The following TRHDE variants were observed in gnomAD, a reference collection of about 807,000 sequenced individuals.
The protein encoded by TRHDE is thyrotropin-releasing hormone-degrading ectoenzyme.
A neutral mutation model predicts 125.7 loss-of-function variants in TRHDE; 72 were observed. The observed-to-expected ratio is 0.57, with a 90% CI of 0.47 to 0.70. The LOEUF is 0.70. TRHDE is among the 30% of genes least tolerant of loss of function. TRHDE has a pLI of 0.00. For missense variants in TRHDE, 1,110 were observed against 1,327.1 expected, an observed-to-expected ratio of 0.84 and a Z score of 2.54; for synonymous variants, 509 against 509.1, an observed-to-expected ratio of 1.00 and a Z score of 0.00.
chr12:72,572,925 T>A (rs904897832), intron 10 of TRHDE, among the ~76,000 whole-genome samples: 15 of 152,140 alleles, frequency 9.9e-5, no homozygotes, highest in African/African-American at 3.4e-4. Context: ...CAGGAATGCA[T>A]GACCATTTCA....
intron 2 of TRHDE, among the ~76,000 whole-genome samples, chr12:72,211,432 A>G (rs1387970687): frequency 6.6e-6 from 1 of 152,232 alleles, no homozygotes; most frequent in Non-Finnish European, 1.5e-5. Flanking sequence ...AATATTTCTA[A>G]TGATAAAGAG....
chr12:72,488,994 A>C (rs1411624683), intron 5 of TRHDE, among the ~76,000 whole-genome samples: 1 of 151,962 alleles, frequency 6.6e-6, no homozygotes, highest in Non-Finnish European at 1.5e-5. Flanking sequence ...GAGAGGCAGC[A>C]AAAGCAGTTC....
rs796489971 is a variant in TRHDE, at chr12:72,666,627, TCCC to T, written c.*3434_*3436del. 13 of 152,190 alleles carry T rather than the reference TCCC, an allele frequency of 8.5e-5. No homozygotes were observed. Among genetic ancestry groups the T allele is most frequent in the African/African-American group, 3.1e-4 (13 of 41,564 alleles). The allele number at this position is 152,190 out of a possible 1,614,324, so 9.4% of individuals were successfully genotyped here. A position where few individuals can be genotyped will look rare whatever the true frequency, so the allele number is the denominator to read the frequency against. On this transcript the variant is annotated 3_prime_UTR_variant, in exon 19 of 19. Coordinates refer to ENST00000261180, the MANE Select transcript of TRHDE (RefSeq NM_013381.3). ...CAACCTAAGTCTATCACAACATCAT[TCCC>T]CAACTAAAATATAAATATATGTTGA... is the stretch of plus-strand genomic sequence containing the variant.
intron 2 of TRHDE, among the ~76,000 whole-genome samples, chr12:72,343,736 G>C (rs186274127): frequency 6.6e-6 from 1 of 152,164 alleles, no homozygotes; most frequent in Non-Finnish European, 1.5e-5. Flanking sequence ...ATTGACTGTA[G>C]ATAGAGTAAT....
intron 2 of TRHDE, among the ~76,000 whole-genome samples, chr12:72,175,229 C>A (rs1227834839): frequency 6.6e-6 from 1 of 152,188 alleles, no homozygotes; most frequent in Non-Finnish European, 1.5e-5. Flanking sequence ...GATACCTCAT[C>A]TAAGTGGAAT....
chr12:72,094,702 C>A (rs1278579279), intron 1 of TRHDE, among the ~76,000 whole-genome samples: 2 of 152,222 alleles, frequency 1.3e-5, no homozygotes, highest in Non-Finnish European at 2.9e-5. Context: ...GGGTTCCTGG[C>A]AGATGGTTCT....
chr12:72,101,153 G>A (rs988679219), intron 1 of TRHDE, among the ~76,000 whole-genome samples: 1 of 152,180 alleles, frequency 6.6e-6, no homozygotes, highest in Non-Finnish European at 1.5e-5. Flanking sequence ...TAAATTAGCT[G>A]CTGAAATGTA....
chr12:72,531,656 G>A (rs1868561257), intron 6 of TRHDE, among the ~76,000 whole-genome samples: 1 of 151,874 alleles, frequency 6.6e-6, no homozygotes, highest in South Asian at 2.1e-4. Context: ...CTTCGTTGAT[G>A]TTGTGCTGTC....
chr12:72,109,826 C>G, intron 2 of TRHDE, among the ~76,000 whole-genome samples: 1 of 152,048 alleles, frequency 6.6e-6, no homozygotes, highest in East Asian at 1.9e-4. Context: ...TACTCATTGC[C>G]TGTGGCTGAG....
intron 2 of TRHDE, among the ~76,000 whole-genome samples, chr12:72,153,471 C>G (rs774947921): frequency 8.5e-5 from 13 of 152,152 alleles, no homozygotes; most frequent in Non-Finnish European, 1.8e-4. Flanking sequence ...TTCTCTAGTT[C>G]TTTTAATTGT....
intron 2 of TRHDE, among the ~76,000 whole-genome samples, chr12:72,224,002 T>A (rs1878052308): frequency 6.6e-6 from 1 of 151,898 alleles, no homozygotes; most frequent in Non-Finnish European, 1.5e-5. Flanking sequence ...GAGAAATGTC[T>A]CCTGTTTAAG....
chr12:72,290,167 CT>C (rs1391521303), intron 2 of TRHDE, among the ~76,000 whole-genome samples: 1 of 152,102 alleles, frequency 6.6e-6, no homozygotes, highest in African/African-American at 2.4e-5. Flanking sequence ...CAGTATGGCC[CT>C]GAATGATGGT....
At chr12:72,427,588 A>G (rs994911813) in intron 3 of TRHDE, among the ~76,000 whole-genome samples, 2 of 152,042 alleles carry the variant, frequency 1.3e-5, no homozygotes, top group African/African-American at 4.8e-5. Flanking sequence ...TACATGGGAT[A>G]TTTTACACTC....
At chr12:72,246,319 C>T (rs1878575601) in intron 2 of TRHDE, among the ~76,000 whole-genome samples, 1 of 152,142 alleles carries the variant, frequency 6.6e-6, no homozygotes, top group Non-Finnish European at 1.5e-5. Flanking sequence ...AATTTTCCAT[C>T]TCTGACTTCT....
intron 15 of TRHDE, among the ~76,000 whole-genome samples, chr12:72,643,674 C>T (rs1016703124): frequency 2.6e-5 from 4 of 152,152 alleles, no homozygotes; most frequent in African/African-American, 4.8e-5. Context: ...TCTTCTTGCT[C>T]TGCATATGAC....
intron 15 of TRHDE, among the ~76,000 whole-genome samples, chr12:72,638,874 G>C (rs1873895541): frequency 3.3e-5 from 5 of 152,246 alleles, no homozygotes; most frequent in Admixed American, 3.3e-4. Flanking sequence ...TGAGAGATCT[G>C]CTGTTAATCT....
At chr12:72,319,049 G>C (rs183366140) in intron 2 of TRHDE, among the ~76,000 whole-genome samples, 7 of 152,234 alleles carry the variant, frequency 4.6e-5, no homozygotes, top group Admixed American at 3.9e-4. Context: ...GGTGTACCAT[G>C]GCTTGGGATT....
intron 2 of TRHDE, among the ~76,000 whole-genome samples, chr12:72,319,177 A>G (rs928634453): frequency 2.6e-5 from 4 of 152,196 alleles, no homozygotes; most frequent in Non-Finnish European, 5.9e-5. Flanking sequence ...CTGATGACAC[A>G]GGACTGAAGC....
chr12:72,581,649 T>TA (rs1871232521), intron 12 of TRHDE, among the ~76,000 whole-genome samples: 1 of 152,226 alleles, frequency 6.6e-6, no homozygotes, highest in Admixed American at 6.5e-5. Flanking sequence ...ACTACTCTGT[T>TA]AAAAAATCCA....
Sources: gnomAD v4.1 joint callset for allele counts (sites outside exome capture counted in the v4.1 genomes callset) on GRCh38, gnomAD v4.1.1 for gene constraint, MANE v1.5 for transcripts, NCBI Gene and HGNC (gene_info 2026-07-23, HGNC 2026-07-21) for gene names.